The following UNC5B variants were observed in gnomAD, a reference collection of about 807,000 sequenced individuals.
UNC5B encodes netrin receptor UNC5B.
A neutral mutation model predicts 103.7 loss-of-function variants in UNC5B; 56 were observed. The observed-to-expected ratio is 0.54, with a 90% CI of 0.44 to 0.67. UNC5B has a LOEUF of 0.67. Among genes scored for constraint, UNC5B ranks in the 30% least tolerant of loss-of-function variants. The pLI, the probability that UNC5B is intolerant of heterozygous loss-of-function variation, is 0.00. For synonymous variants in UNC5B, 577 were observed against 542.0 expected, an observed-to-expected ratio of 1.06 and a Z score of -0.90; for missense variants, 1,194 against 1,284.5, an observed-to-expected ratio of 0.93 and a Z score of 1.08.
In UNC5B at chr10:71,302,738, C is replaced by T. The variant is rs1845608111; in HGVS notation, c.*3461C>T. 6.6e-6 allele frequency: 1 copy of T among 152,144 alleles called. No homozygotes were observed. The highest frequency in any genetic ancestry group is 6.5e-5 in the Admixed American group (1 of 15,282). The allele number at this position is 152,144 out of a possible 1,614,324, so 9.4% of individuals were successfully genotyped here. ...TGCCCGGGAGAGGGGGGTGCAGGGC[C>T]CCAGGGATGGCCCCCAATCCCACCT... On this transcript the variant is annotated 3_prime_UTR_variant, in exon 17 of 17. Transcript: ENST00000335350.
At position 71,284,651 on chromosome 10, in the gene UNC5B, C is replaced by T. The variant is rs964209496; in HGVS notation, c.305-69C>T. 762 of 1,599,752 alleles carry T rather than the reference C, an allele frequency of 4.8e-4. 4 individuals carry two copies. The highest frequency in any genetic ancestry group is 2.4e-4 in the Admixed American group (14 of 59,572). ...GCCAGCAGGATCCGAGGTGGAAGGC[C>T]GGGGGTGTCCTGTGCCTCACATCCT... On this transcript the variant is annotated intron_variant, in intron 2 of 16. Transcript: ENST00000335350.
At chr10:71,294,026 G>T in intron 13 of UNC5B, 93 bp downstream of exon 13, 1 of 1,182,698 alleles carries the variant, frequency 8.5e-7, no homozygotes, top group Non-Finnish European at 1.2e-6. Flanking sequence ...GGTCCTCCCA[G>T]GAACCCCTCC....
At chr10:71,221,485 T>C (rs1009394483) in intron 1 of UNC5B, among the ~76,000 whole-genome samples, 1 of 152,196 alleles carries the variant, frequency 6.6e-6, no homozygotes, top group African/African-American at 2.4e-5. Context: ...TGTCTCCATG[T>C]AGGGTATCAG....
chr10:71,268,192 C>T (rs927269018), intron 1 of UNC5B, among the ~76,000 whole-genome samples: 2 of 152,260 alleles, frequency 1.3e-5, no homozygotes, highest in African/African-American at 4.8e-5. Context: ...TCACCCCTTA[C>T]TGCCAGGCGC....
Position 71,299,487 on chromosome 10 carries a change from A to C in UNC5B, c.*210A>C, listed in dbSNP as rs1589211657. On this transcript the variant is annotated 3_prime_UTR_variant, in exon 17 of 17. Coordinates refer to ENST00000335350, the MANE Select transcript of UNC5B (RefSeq NM_170744.5). ...TTAGAGGGCCCAGAGTTCCTTCTCCACCCCCGCTCTCTCTCTCTTGGCCTG... is the reference window on the plus strand; with the variant it reads ...TTAGAGGGCCCAGAGTTCCTTCTCCCCCCCCGCTCTCTCTCTCTTGGCCTG... 1.8e-6 allele frequency: 1 copy of C among 559,630 alleles called. No homozygotes were observed. The highest frequency in any genetic ancestry group is 3.1e-6 in the Non-Finnish European group (1 of 321,180). The allele number at this position is 559,630 out of a possible 1,614,324, so 34.7% of individuals were successfully genotyped here.
chr10:71,298,794 T>A (rs190377755), intron 16 of UNC5B, among the ~76,000 whole-genome samples: 1 of 152,138 alleles, frequency 6.6e-6, no homozygotes, highest in Admixed American at 6.5e-5. Context: ...TGTCTTTCAA[T>A]GATAATAATG....
In UNC5B at chr10:71,284,862, C is replaced by T. The variant is rs556649300; in HGVS notation, c.447C>T (p.Ala149=). The change falls in exon 3 of 17, where the codon GCC becomes GCT. Residue 149 remains alanine (A), a splice_region_variant and synonymous_variant. Coordinates refer to ENST00000335350, the MANE Select transcript of UNC5B (RefSeq NM_170744.5). ...GTCGCCGAGCCTACGTCCGCATCGC[C>T]TGTACGCCACCCTGACCCCCACCCT... ...TKSRRAYVRI[A]YLRKNFDQEP... 7.3e-5 allele frequency: 117 copies of T among 1,599,036 alleles called. 1 individual carries two copies. In the South Asian group the frequency reaches 1.3e-3, roughly 17 times the overall value.
In UNC5B at chr10:71,297,968, G is replaced by T; in HGVS notation, c.2550G>T (p.Gln850His). The T allele has an allele frequency of 6.2e-7, 1 of 1,613,988 alleles. No individual in the cohort carries two copies. The highest frequency in any genetic ancestry group is 8.5e-7 in the Non-Finnish European group (1 of 1,179,994). Reference sequence around the variant, plus strand: ...CCCCTGGCAGCACTGTCACCACCCAGCTGGGACCTTATGCCTTCAAGATCC... The same window carrying T: ...CCCCTGGCAGCACTGTCACCACCCATCTGGGACCTTATGCCTTCAAGATCC... ...CSAPGSTVTT[Q>H]LGPYAFKIPL... Residue 850 changes from glutamine to histidine, a missense_variant, in exon 16 of 17, where the codon CAG becomes CAT. Gln to His is a conservative substitution (Grantham distance 24). Coordinates refer to ENST00000335350, the MANE Select transcript of UNC5B (RefSeq NM_170744.5).
chr10:71,253,883 G>C (rs1047653697), intron 1 of UNC5B, among the ~76,000 whole-genome samples: 3 of 152,088 alleles, frequency 2.0e-5, no homozygotes, highest in South Asian at 4.1e-4. Flanking sequence ...TGTTAAGATG[G>C]GGATCGCTGC....
intron 1 of UNC5B, among the ~76,000 whole-genome samples, chr10:71,254,805 C>T (rs1329320523): frequency 1.3e-5 from 2 of 152,204 alleles, no homozygotes; most frequent in South Asian, 2.1e-4. Flanking sequence ...AGCAGCCTGG[C>T]GCCCTTAGAA....
intron 1 of UNC5B, among the ~76,000 whole-genome samples, chr10:71,259,408 G>C (rs1481103475): frequency 6.6e-6 from 1 of 150,456 alleles, no homozygotes; most frequent in African/African-American, 2.4e-5. Context: ...AAAAGGAAAA[G>C]AGAAAAATAA....
At chr10:71,271,313 C>T (rs10823715) in intron 1 of UNC5B, among the ~76,000 whole-genome samples, 111,554 of 151,942 alleles carry the variant, frequency 0.73, 42,130 homozygotes, top group Non-Finnish European at 0.83. Flanking sequence ...TGCGCTGTCT[C>T]GTTGGAACAC....
At chr10:71,229,381 T>C (rs142288293) in intron 1 of UNC5B, among the ~76,000 whole-genome samples, 1 of 152,328 alleles carries the variant, frequency 6.6e-6, no homozygotes, top group East Asian at 1.9e-4. Context: ...TGCCGGAAGG[T>C]CCTGCTCCAA....
intron 1 of UNC5B, among the ~76,000 whole-genome samples, chr10:71,271,902 G>A (rs1398331698): frequency 2.0e-5 from 3 of 152,012 alleles, no homozygotes; most frequent in Non-Finnish European, 4.4e-5. Context: ...ACCTTTGTTA[G>A]GAATGACTTG....
At chr10:71,266,861 T>A (rs1159029010) in intron 1 of UNC5B, among the ~76,000 whole-genome samples, 1 of 152,198 alleles carries the variant, frequency 6.6e-6, no homozygotes, top group Admixed American at 6.5e-5. Context: ...CATTTTAAAT[T>A]GTGTGTGATT....
chr10:71,245,242 G>C (rs12767939), intron 1 of UNC5B, among the ~76,000 whole-genome samples: 44,353 of 152,058 alleles, frequency 0.29, 7,115 homozygotes, highest in Non-Finnish European at 0.37. Context: ...TTAGAGCTTT[G>C]CTACCAGCAT....
At chr10:71,215,683 T>A (rs756577421) in intron 1 of UNC5B, among the ~76,000 whole-genome samples, 1 of 152,208 alleles carries the variant, frequency 6.6e-6, no homozygotes, top group Non-Finnish European at 1.5e-5. Flanking sequence ...CAGCCCTTCC[T>A]GGAGCTTTTA....
chr10:71,280,998 C>T (rs1844911420), intron 2 of UNC5B, among the ~76,000 whole-genome samples: 1 of 152,196 alleles, frequency 6.6e-6, no homozygotes, highest in Non-Finnish European at 1.5e-5. Context: ...CCTCTCCCTG[C>T]TCATTTCTCT....
In UNC5B at chr10:71,292,488, A is replaced by T; in HGVS notation, c.1706A>T (p.Asn569Ile). ...PGTGVSLLVP[N>I]GAIPQGKFYE... ...CTAGGGGTCAGCTTGCTGGTGCCCA[A>T]TGGAGCCATTCCCCAGGGCAAGTTC... Residue 569 changes from asparagine (N) to isoleucine (I), a missense_variant, in exon 11 of 17, where the codon AAT (asparagine) becomes ATT (isoleucine). Physicochemically the swap from Asn to Ile is moderately radical, Grantham distance 149. Coordinates refer to ENST00000335350, the MANE Select transcript of UNC5B (RefSeq NM_170744.5). The T allele has an allele frequency of 6.2e-7, 1 of 1,602,346 alleles. No individual in the cohort carries two copies. The highest frequency in any genetic ancestry group is 8.5e-7 in the Non-Finnish European group (1 of 1,174,464).
Sources: allele counts gnomAD v4.1 joint callset (sites outside exome capture counted in the v4.1 genomes callset), GRCh38; gene constraint gnomAD v4.1.1; transcripts MANE v1.5; gene names NCBI Gene and HGNC (gene_info 2026-07-23, HGNC 2026-07-21).